The following MGAT5 variants were observed in gnomAD, a reference collection of about 807,000 sequenced individuals.
The protein encoded by MGAT5 is alpha-1,6-mannosylglycoprotein 6-beta-N-acetylglucosaminyltransferase A.
A neutral mutation model predicts 94.3 loss-of-function variants in MGAT5; 30 were observed. The observed-to-expected ratio is 0.32, with a 90% confidence interval of 0.24 to 0.43. The LOEUF (loss-of-function observed/expected upper bound fraction) is 0.43, where lower values mean the gene tolerates loss of function less well. MGAT5 is among the 20% of genes least tolerant of loss of function. MGAT5 has a pLI of 1.00. For missense variants in MGAT5, 691 were observed against 905.5 expected (o/e 0.76, Z 3.04); for synonymous variants, 310 against 322.9 (o/e 0.96, Z 0.43).
chr2:134,319,436 A>G (rs972231464), intron 4 of MGAT5, among the ~76,000 whole-genome samples: 1 of 152,206 alleles, frequency 6.6e-6, no homozygotes, highest in Non-Finnish European at 1.5e-5. Flanking sequence ...TTTGTCAAGA[A>G]GAGATGCCAC....
At position 134,206,661 on chromosome 2, in the gene MGAT5, G is replaced by T. The variant is rs140305791; in HGVS notation, c.-142-47601G>T. Among the ~76,000 whole-genome samples, 131 of 152,260 alleles carry T rather than the reference G, an allele frequency of 8.6e-4. 1 individual carries two copies. In the East Asian group the frequency reaches 0.013, roughly 15 times the overall value. On this transcript the variant is annotated intron_variant, in intron 1 of 16. Coordinates refer to the MGAT5 transcript ENST00000409645. ...ACCTTGAGATAGGGCAATTATCGTG[G>T]ATTGTCAAGATGGGCCCTAAATGCC... is the stretch of plus-strand genomic sequence containing the variant.
chr2:134,251,281 G>GT (rs1682574695), upstream of MGAT5, among the ~76,000 whole-genome samples: 1 of 152,100 alleles, frequency 6.6e-6, no homozygotes, highest in South Asian at 2.1e-4. Context: ...TTCTGATGGG[G>GT]TGGAAACTCC....
At position 134,443,380 on chromosome 2, in the gene MGAT5, C is replaced by A. The variant is rs556665146; in HGVS notation, c.2027+1465C>A. On this transcript the variant is annotated intron_variant, in intron 15 of 15. Coordinates refer to ENST00000281923, the MANE Select transcript of MGAT5 (RefSeq NM_002410.5). ...CTAACTTTTGTATTTTTAGTAGAGA[C>A]AGGGTTTTACCATGTTGGCCAGGCT... is the stretch of plus-strand genomic sequence containing the variant. Among the ~76,000 whole-genome samples, 6 of 152,240 alleles carry A rather than the reference C, an allele frequency of 3.9e-5. No homozygotes were observed. The East Asian group carries it at 1.2e-3, about 29-fold the overall frequency.
At chr2:134,254,707 G>A (rs1041134132) in intron 1 of MGAT5, 63 bp downstream of exon 1, 83 of 1,590,342 alleles carry the variant, frequency 5.2e-5, no homozygotes, top group Non-Finnish European at 6.7e-5. Context: ...GGCCCTAGAA[G>A]CTCCCAGATA....
At chr2:134,266,870 T>A (rs1350978374) in intron 1 of MGAT5, among the ~76,000 whole-genome samples, 4 of 152,252 alleles carry the variant, frequency 2.6e-5, no homozygotes, top group Non-Finnish European at 5.9e-5. Flanking sequence ...AAAACATGCC[T>A]ACCTAGGTAA....
At chr2:134,262,311 T>G (rs1432437333) in intron 1 of MGAT5, among the ~76,000 whole-genome samples, 1 of 152,248 alleles carries the variant, frequency 6.6e-6, no homozygotes, top group Admixed American at 6.5e-5. Context: ...GTGATCAGGC[T>G]CTAGCAACCT....
At position 134,452,231 on chromosome 2, in the gene MGAT5, G is replaced by A. The variant is rs1686144733; in HGVS notation, c.*3384G>A. On this transcript the variant is annotated 3_prime_UTR_variant, in exon 16 of 16. Transcript: ENST00000281923. ...TGAAGCCTTGAGAACCTCAAGAAAGGGCTGGATTCTGCCATACCTTTGGGT... is the reference window on the plus strand; with the variant it reads ...TGAAGCCTTGAGAACCTCAAGAAAGAGCTGGATTCTGCCATACCTTTGGGT... 6.6e-6 allele frequency: 1 copy of A among 152,118 alleles called. No homozygotes were observed. The highest frequency in any genetic ancestry group is 6.5e-5 in the Admixed American group (1 of 15,268). 9.4% of individuals were successfully genotyped at this position (152,118 alleles called of 1,614,324 possible).
At chr2:134,176,216 G>C (rs1199498878) in intron 1 of MGAT5, among the ~76,000 whole-genome samples, 1 of 152,116 alleles carries the variant, frequency 6.6e-6, no homozygotes, top group Non-Finnish European at 1.5e-5. Context: ...TGGGAAGGGG[G>C]TGTGGAGGCC....
intron 1 of MGAT5, among the ~76,000 whole-genome samples, chr2:134,134,148 C>T (rs1468329209): frequency 6.6e-6 from 1 of 152,152 alleles, no homozygotes; most frequent in Non-Finnish European, 1.5e-5. Flanking sequence ...ATATTTCAGT[C>T]CAGAACCTGG....
At chr2:134,416,960 T>C (rs1026509247) in intron 12 of MGAT5, among the ~76,000 whole-genome samples, 3 of 151,938 alleles carry the variant, frequency 2.0e-5, no homozygotes, top group African/African-American at 7.3e-5. Context: ...TTTATGAATA[T>C]CTACACACTA....
chr2:134,193,729 T>G (rs1490237954), intron 1 of MGAT5, among the ~76,000 whole-genome samples: 1 of 119,780 alleles, frequency 8.3e-6, no homozygotes, highest in African/African-American at 3.0e-5. Context: ...GTGTGTGTGT[T>G]TTGACAAGTT....
At chr2:134,307,322 T>G (rs1305157794) in intron 2 of MGAT5, among the ~76,000 whole-genome samples, 1 of 152,170 alleles carries the variant, frequency 6.6e-6, no homozygotes, top group Non-Finnish European at 1.5e-5. Context: ...ATGTTAGATA[T>G]AAACTCTATT....
At chr2:134,123,259 A>G (rs1111961) in intron 1 of MGAT5, among the ~76,000 whole-genome samples, 41,130 of 152,082 alleles carry the variant, frequency 0.27, 5,944 homozygotes, top group East Asian at 0.38. Flanking sequence ...CCCAGGAACC[A>G]TTCTAGTTGT....
intron 1 of MGAT5, among the ~76,000 whole-genome samples, chr2:134,145,550 A>G (rs977777605): frequency 6.6e-6 from 1 of 152,204 alleles, no homozygotes; most frequent in Non-Finnish European, 1.5e-5. Context: ...CGTCTCAAAA[A>G]AAGAGAACCT....
At position 134,182,117 on chromosome 2, in the gene MGAT5, C is replaced by G. The variant is rs1850815; in HGVS notation, c.-143+61826C>G. On this transcript the variant is annotated intron_variant, in intron 1 of 16. Transcript: ENST00000409645. ...TCATAGAAGAAATATAATATTGAGG[C>G]TCAGAAATAACTTTAAAATTGACAC... is the stretch of plus-strand genomic sequence containing the variant. Among the ~76,000 whole-genome samples the G allele has an allele frequency of 2.5e-3, 373 of 151,908 alleles. 8 individuals are homozygous for G. In the East Asian group the frequency reaches 0.056, roughly 23 times the overall value.
At chr2:134,126,261 A>G (rs1002083070) in intron 1 of MGAT5, among the ~76,000 whole-genome samples, 3 of 152,218 alleles carry the variant, frequency 2.0e-5, no homozygotes, top group African/African-American at 7.2e-5. Context: ...AGCCTGGTCA[A>G]TGCACACCCA....
intron 10 of MGAT5, among the ~76,000 whole-genome samples, chr2:134,386,671 G>GC (rs1681999607): frequency 6.6e-6 from 1 of 152,194 alleles, no homozygotes; most frequent in Non-Finnish European, 1.5e-5. Flanking sequence ...TGCTGAGGCA[G>GC]CCCCCTCTAA....
intron 1 of MGAT5, among the ~76,000 whole-genome samples, chr2:134,232,253 G>A (rs989185616): frequency 1.9e-4 from 29 of 152,148 alleles, no homozygotes; most frequent in African/African-American, 6.7e-4. Flanking sequence ...ATTTTCATGA[G>A]CCACCCTTCA....
intron 1 of MGAT5, among the ~76,000 whole-genome samples, chr2:134,260,040 A>T (rs1302460282): frequency 6.6e-6 from 1 of 151,878 alleles, no homozygotes; most frequent in Admixed American, 6.6e-5. Flanking sequence ...GAGGCAGAGC[A>T]TGCCAAGGAG....
Sources: gnomAD v4.1 joint callset for allele counts (sites outside exome capture counted in the v4.1 genomes callset) on GRCh38, gnomAD v4.1.1 for gene constraint, MANE v1.5 for transcripts, NCBI Gene and HGNC (gene_info 2026-07-23, HGNC 2026-07-21) for gene names.